JPH2: variants seen among roughly 807,000 people sequenced by gnomAD.
The protein encoded by JPH2 is junctophilin 2.
A neutral mutation model predicts 55.9 loss-of-function variants in JPH2; 38 were observed. The observed-to-expected ratio is 0.68, with a 90% CI of 0.52 to 0.89. JPH2 has a LOEUF of 0.89. Ranked by LOEUF, JPH2 falls within the 40% of genes least tolerant of loss-of-function variation. The pLI is 0.00. For synonymous variants in JPH2, 480 were observed against 472.4 expected (o/e 1.02, Z -0.21); for missense variants, 964 against 1,037.6 (o/e 0.93, Z 0.97).
At chr20:44,155,833 C>T (rs1336105717) in intron 2 of JPH2, among the ~76,000 whole-genome samples, 1 of 152,064 alleles carries the variant, frequency 6.6e-6, no homozygotes, top group Non-Finnish European at 1.5e-5. Context: ...TCCAGGAGTT[C>T]GAGAATAGTC....
At chr20:44,121,536 T>C (rs1301138550) in intron 2 of JPH2, among the ~76,000 whole-genome samples, 2 of 152,312 alleles carry the variant, frequency 1.3e-5, no homozygotes, top group East Asian at 3.9e-4. Context: ...GAAAGGTGTC[T>C]TGCTCAAGGA....
intron 2 of JPH2, among the ~76,000 whole-genome samples, chr20:44,150,163 G>A (rs966229990): frequency 2.0e-5 from 3 of 151,716 alleles, no homozygotes; most frequent in Non-Finnish European, 2.9e-5. Flanking sequence ...AGCACCATAA[G>A]GAATCAGCCT....
intron 1 of JPH2, chr20:44,177,182 G>C (rs958917494): frequency 1.0e-6 from 1 of 985,414 alleles, no homozygotes; most frequent in Non-Finnish European, 1.2e-6. Context: ...GCTTCAGCTC[G>C]GGAAGGGATA....
At chr20:44,121,380 G>A (rs2072234803) in intron 2 of JPH2, among the ~76,000 whole-genome samples, 1 of 152,142 alleles carries the variant, frequency 6.6e-6, no homozygotes, top group African/African-American at 2.4e-5. Context: ...GTCTACAGCA[G>A]AGAACTGGGC....
chr20:44,115,948 G>A lies in JPH2; in HGVS notation c.1727C>T (p.Pro576Leu), dbSNP rs1381167166. 1.9e-6 allele frequency: 3 copies of A among 1,569,102 alleles called. No homozygotes were observed. Among genetic ancestry groups the A allele is most frequent in the Non-Finnish European group, 1.7e-6 (2 of 1,164,514 alleles). ...YHSYAVRTTP[P>L]EPPPFEDQPE... ...CTGGTCCTCAAAGGGTGGGGGCTCG[G>A]GCGGCGTGGTGCGCACAGCATAGCT... is the stretch of plus-strand genomic sequence containing the variant. Residue 576 changes from proline to leucine, a missense_variant, in exon 4 of 6, where the codon CCC becomes CTC. By Grantham distance (98) the Pro-to-Leu change is moderately conservative (BLOSUM62 -3). Transcript: ENST00000372980.
chr20:44,136,923 C>T (rs2072417255), intron 2 of JPH2, among the ~76,000 whole-genome samples: 1 of 152,236 alleles, frequency 6.6e-6, no homozygotes, highest in Non-Finnish European at 1.5e-5. Context: ...CTAATAGACC[C>T]TTTCCTGCCA....
At chr20:44,169,099 A>G (rs2072678205) in intron 1 of JPH2, among the ~76,000 whole-genome samples, 3 of 151,714 alleles carry the variant, frequency 2.0e-5, no homozygotes, top group South Asian at 2.1e-4. Flanking sequence ...TAGATGCTCC[A>G]CCTTGAACTT....
At chr20:44,131,099 CT>C (rs2072315155) in intron 2 of JPH2, among the ~76,000 whole-genome samples, 5 of 152,302 alleles carry the variant, frequency 3.3e-5, no homozygotes, top group South Asian at 4.1e-4. Context: ...TCCCTTCCCC[CT>C]GAGTGTGGGC....
Position 44,159,504 on chromosome 20 carries a change from T to G in JPH2, c.1169+114A>C. The G allele has an allele frequency of 9.1e-7, 1 of 1,097,384 alleles. No individual in the cohort carries two copies. Among genetic ancestry groups the G allele is most frequent in the Non-Finnish European group, 1.3e-6 (1 of 756,580 alleles). The allele number at this position is 1,097,384 out of a possible 1,614,324, so 68.0% of individuals were successfully genotyped here. On this transcript the variant is annotated intron_variant, in intron 2 of 5. Coordinates refer to ENST00000372980, the MANE Select transcript of JPH2 (RefSeq NM_020433.5). This position sits in a 1 kb window ranked among gnomAD's most constrained non-coding sequence, Gnocchi z 5.7. ...GCCTCCAATTAACCCCTGAAGGTGA[T>G]GGGGGTAAAAGAAGCAGAATCAGGC...
intron 2 of JPH2, among the ~76,000 whole-genome samples, chr20:44,120,007 C>A (rs1182332608): frequency 3.3e-5 from 5 of 152,070 alleles, no homozygotes; most frequent in African/African-American, 4.8e-5. Context: ...ACAATCCATG[C>A]TCCAGAGCCC....
intron 1 of JPH2, among the ~76,000 whole-genome samples, chr20:44,174,705 C>T (rs1410189973): frequency 1.3e-5 from 2 of 151,878 alleles, no homozygotes; most frequent in African/African-American, 4.8e-5. Flanking sequence ...ACCCAAGAAG[C>T]GGAGGTTGCA....
chr20:44,118,579 G>T lies in JPH2; in HGVS notation c.1214C>A (p.Ala405Asp), dbSNP rs1184798473. The change falls in exon 3 of 6, where the codon GCC (alanine) becomes GAC (aspartate). Residue 405 changes from alanine to aspartate, a missense_variant. Transcript: ENST00000372980. ...GTTGGACTCCTGGTTGGCAGCCAGG[G>T]CGGCCTGTTCCGCTGCCTCAGCTTT... is the stretch of plus-strand genomic sequence containing the variant. ...KAKAEAAEQA[A>D]LAANQESNIA... 1.2e-6 allele frequency: 2 copies of T among 1,612,662 alleles called. No homozygotes were observed. Among genetic ancestry groups the T allele is most frequent in the Admixed American group, 1.7e-5 (1 of 60,034 alleles).
At chr20:44,129,564 A>AC (rs202059568) in intron 2 of JPH2, among the ~76,000 whole-genome samples, 18,327 of 141,120 alleles carry the variant, frequency 0.13, 1,364 homozygotes, top group South Asian at 0.22. Context: ...AAAAAAAAAA[A>AC]AAAAACAAAA....
intron 2 of JPH2, among the ~76,000 whole-genome samples, chr20:44,126,166 G>GAAA (rs2072274651): frequency 1.2e-5 from 1 of 84,442 alleles, no homozygotes; most frequent in Non-Finnish European, 2.5e-5. Context: ...GAGGGAGGGA[G>GAAA]GGAGGAAGGA....
chr20:44,136,901 T>G (rs751968000), intron 2 of JPH2, among the ~76,000 whole-genome samples: 2 of 152,172 alleles, frequency 1.3e-5, no homozygotes, highest in Non-Finnish European at 2.9e-5. Flanking sequence ...GTGACAAGGA[T>G]TTACTAGGCA....
intron 2 of JPH2, among the ~76,000 whole-genome samples, chr20:44,125,788 TCTC>T (rs772355070): frequency 4.6e-5 from 7 of 151,834 alleles, no homozygotes; most frequent in East Asian, 3.9e-4. Context: ...TTAAGCCCAG[TCTC>T]CTCATCTGTA....
Position 44,108,132 on chromosome 20 carries a change from A to C in JPH2, c.*5386T>G, listed in dbSNP as rs1205304298. 6.6e-6 allele frequency among the ~76,000 whole-genome samples: 1 copy of C among 152,180 alleles called. No homozygotes were observed. Among genetic ancestry groups the C allele is most frequent in the Admixed American group, 6.5e-5 (1 of 15,282 alleles). On this transcript the variant is annotated 3_prime_UTR_variant, in exon 6 of 6. Coordinates refer to ENST00000372980, the MANE Select transcript of JPH2 (RefSeq NM_020433.5). ...CCTCTACATAATGAAGTCCCAATAA[A>C]AACTCTGGACACTGAAGCACTGGTT...
chr20:44,139,065 C>G (rs1435788379), intron 2 of JPH2, among the ~76,000 whole-genome samples: 3 of 152,128 alleles, frequency 2.0e-5, no homozygotes, highest in Non-Finnish European at 4.4e-5. Context: ...AAGTCATCTC[C>G]CAAAGGATCC....
chr20:44,149,427 G>T (rs6103655), intron 2 of JPH2, among the ~76,000 whole-genome samples: 1 of 152,218 alleles, frequency 6.6e-6, no homozygotes, highest in Non-Finnish European at 1.5e-5. Flanking sequence ...TGATTTCTCC[G>T]CCTGCATAAT....
Sources: gnomAD v4.1 joint callset for allele counts (sites outside exome capture counted in the v4.1 genomes callset) on GRCh38, gnomAD v4.1.1 for gene constraint, Gnocchi (gnomAD v3.1) non-coding constraint, MANE v1.5 for transcripts, NCBI Gene and HGNC (gene_info 2026-07-23, HGNC 2026-07-21) for gene names.